Variants in TPH1 observed in about 807,000 individuals in gnomAD.
The protein encoded by TPH1 is tryptophan hydroxylase 1.
Under a neutral mutation model 49.5 loss-of-function variants are expected in TPH1, and 37 were observed. The observed-to-expected ratio is 0.75, with a 90% confidence interval of 0.58 to 0.98. The LOEUF is 0.98. TPH1 is among the 50% of genes least tolerant of loss of function. The pLI, the probability that TPH1 is intolerant of heterozygous loss-of-function variation, is 0.00. For synonymous variants in TPH1, 160 were observed against 182.1 expected (o/e 0.88, Z 0.98); for missense variants, 487 against 523.6 (o/e 0.93, Z 0.68).
At chr11:18,028,008 A>C (rs532620149) in intron 6 of TPH1, among the ~76,000 whole-genome samples, 13 of 152,386 alleles carry the variant, frequency 8.5e-5, no homozygotes, top group South Asian at 4.1e-4. Context: ...CGATGGAAAT[A>C]AACTAAACTC....
chr11:18,035,175 A>G (rs1171475461), intron 3 of TPH1, among the ~76,000 whole-genome samples: 1 of 152,200 alleles, frequency 6.6e-6, no homozygotes, highest in Non-Finnish European at 1.5e-5. Context: ...CATAGTTGTG[A>G]GCAACTGTCA....
intron 4 of TPH1, among the ~76,000 whole-genome samples, chr11:18,030,312 C>T (rs572457021): frequency 2.6e-5 from 4 of 151,992 alleles, no homozygotes; most frequent in Admixed American, 2.6e-4. Context: ...GTCCCAGCTC[C>T]TCAGGAAGGT....
At chr11:18,025,440 G>T in intron 8 of TPH1, 135 bp downstream of exon 8, 1 of 1,131,932 alleles carries the variant, frequency 8.8e-7, no homozygotes, top group Non-Finnish European at 1.3e-6. Context: ...GAGTGCAGTG[G>T]CACAATCTCG....
intron 3 of TPH1, among the ~76,000 whole-genome samples, chr11:18,035,432 C>CTTTT (rs112992467): frequency 7.6e-6 from 1 of 132,008 alleles, no homozygotes; most frequent in Non-Finnish European, 1.6e-5. Flanking sequence ...TCTTTCCTTT[C>CTTTT]TTTTTTTTTT....
rs1854338350 is a variant in TPH1, at chr11:18,019,940, C to T, written c.*1051G>A. On this transcript the variant is annotated 3_prime_UTR_variant, in exon 11 of 11. Transcript: ENST00000682019. ...CCTTTCTGACATTCTATTTCCTCCC[C>T]TTTTCTGCAGCCTCTACTCTCATTG... 1 of 353,980 alleles carries T rather than the reference C, an allele frequency of 2.8e-6. No homozygotes were observed. The highest frequency in any genetic ancestry group is 5.5e-6 in the Non-Finnish European group (1 of 180,516). 21.9% of individuals were successfully genotyped at this position (353,980 alleles called of 1,614,324 possible).
chr11:18,025,864 TC>T (rs1847924154), intron 7 of TPH1, among the ~76,000 whole-genome samples, 163 bp from the exon 8 acceptor site: 1 of 152,146 alleles, frequency 6.6e-6, no homozygotes, highest in African/African-American at 2.4e-5. Context: ...CAATTTTGGT[TC>T]AAAACCTTGG....
Position 18,038,825 on chromosome 11 carries a change from A to C in TPH1, c.117+1821T>G, listed in dbSNP as rs150331290. 3.4e-3 allele frequency among the ~76,000 whole-genome samples: 514 copies of C among 152,362 alleles called. 1 individual carries two copies. Among genetic ancestry groups the C allele is most frequent in the African/African-American group, 0.012 (493 of 41,594 alleles). On this transcript the variant is annotated intron_variant, in intron 2 of 10. Coordinates refer to ENST00000682019, the MANE Select transcript of TPH1 (RefSeq NM_004179.3). ...AAAAAGCTGATGGAAGAAGACATACAGGTATTTTATTTAAAGACCCAAAGG... is the reference window on the plus strand; with the variant it reads ...AAAAAGCTGATGGAAGAAGACATACCGGTATTTTATTTAAAGACCCAAAGG...
intron 1 of TPH1, among the ~76,000 whole-genome samples, chr11:18,044,910 G>A (rs966037450): frequency 3.9e-5 from 6 of 152,136 alleles, no homozygotes; most frequent in African/African-American, 1.4e-4. Flanking sequence ...CTTTTCTCAT[G>A]AAAGGTAGAG....
In TPH1 at chr11:18,033,280, G is replaced by C; in HGVS notation, c.396C>G (p.Asp132Glu). The C allele has an allele frequency of 6.2e-6, 10 of 1,612,326 alleles. No individual in the cohort carries two copies. The highest frequency in any genetic ancestry group is 8.5e-6 in the Non-Finnish European group (10 of 1,178,500). ...VLMYGSELDADHPGFKDNVYR... is the reference protein window; with the variant it reads ...VLMYGSELDAEHPGFKDNVYR... ...AAAAAAAGAAAATACTTACAGGATGGTCTGCATCTAGTTCAGATCCATACA... is the reference window on the plus strand; with the variant it reads ...AAAAAAAGAAAATACTTACAGGATGCTCTGCATCTAGTTCAGATCCATACA... The change falls in exon 4 of 11, where the codon GAC becomes GAG. Residue 132 changes from aspartate (D) to glutamate (E), a missense_variant. Coordinates refer to ENST00000682019, the MANE Select transcript of TPH1 (RefSeq NM_004179.3).
intron 4 of TPH1, 43 bp from the exon 5 acceptor site, chr11:18,029,622 T>TA: frequency 6.7e-7 from 1 of 1,486,204 alleles, no homozygotes; most frequent in Non-Finnish European, 9.4e-7. Context: ...TACTAAAAAA[T>TA]ACTTGACAAA....
rs1847919718 is a variant in TPH1 at position 18,025,592 on chromosome 11, C to G, written c.913G>C (p.Val305Leu). ...ATTTATACCGTTGCCAGTTTTTGAA[C>G]AGCCTCCTCTGAAGCGCCAAGAGAA... The part of the protein sequence containing the change: ...LASLGASEEA[V>L]QKLATCYFFT... The change falls in exon 8 of 11, where the codon GTT becomes CTT. Residue 305 changes from valine (V) to leucine (L), a missense_variant. By Grantham distance (32) the Val-to-Leu change is conservative (BLOSUM62 1). Coordinates refer to ENST00000682019, the MANE Select transcript of TPH1 (RefSeq NM_004179.3). 6.2e-7 allele frequency: 1 copy of G among 1,613,804 alleles called. No individual in the cohort carries two copies. Among genetic ancestry groups the G allele is most frequent in the African/African-American group, 1.3e-5 (1 of 74,910 alleles).
Position 18,036,050 on chromosome 11 carries a change from T to G in TPH1, c.210A>C (p.Arg70Ser), listed in dbSNP as rs1230922931. The change falls in exon 3 of 11, where the codon AGA becomes AGC. Residue 70 changes from arginine to serine, a missense_variant. Arg to Ser is a moderately radical substitution (Grantham distance 110, BLOSUM62 -1). Coordinates refer to ENST00000682019, the MANE Select transcript of TPH1 (RefSeq NM_004179.3). ...FEIFVDCDIN[R>S]EQLNDIFHLL... is the part of the protein sequence containing the mutation. ...GATGAAAAATATCATTCAATTGTTC[T>G]CTGTTGATGTCACAGTCAACAAAAA... 6.2e-7 allele frequency: 1 copy of G among 1,612,966 alleles called. No homozygotes were observed. Among genetic ancestry groups the G allele is most frequent in the African/African-American group, 1.3e-5 (1 of 75,030 alleles).
At chr11:18,044,513 TA>T (rs1848124808) in intron 1 of TPH1, among the ~76,000 whole-genome samples, 2 of 151,710 alleles carry the variant, frequency 1.3e-5, no homozygotes, top group South Asian at 4.1e-4. Flanking sequence ...ACTAGAAAAC[TA>T]GAAGAAAATT....
At chr11:18,043,336 G>A (rs1051105777) in intron 1 of TPH1, among the ~76,000 whole-genome samples, 3 of 152,170 alleles carry the variant, frequency 2.0e-5, no homozygotes, top group South Asian at 2.1e-4. Context: ...CAGCTGCTGC[G>A]GCTCATGCCT....
intron 1 of TPH1, among the ~76,000 whole-genome samples, chr11:18,042,660 A>G (rs1458305969): frequency 6.6e-6 from 1 of 152,228 alleles, no homozygotes. Flanking sequence ...AACTCTTAGA[A>G]CAGTTGCTAA....
chr11:18,037,863 A>G (rs970185632), intron 2 of TPH1, among the ~76,000 whole-genome samples: 1 of 152,248 alleles, frequency 6.6e-6, no homozygotes, highest in African/African-American at 2.4e-5. Flanking sequence ...CACACAGGTG[A>G]CAAGTGTCAG....
At chr11:18,027,239 G>A (rs1847939061) in intron 6 of TPH1, among the ~76,000 whole-genome samples, 1 of 152,168 alleles carries the variant, frequency 6.6e-6, no homozygotes, top group African/African-American at 2.4e-5. Context: ...ACCCCTGTAA[G>A]CCCTAATCTT....
chr11:18,029,596 T>C lies in TPH1; in HGVS notation c.403-17A>G, dbSNP rs2134028811. ...TTTGAAGCCCTGATAATTAAAGATA[T>C]GTTTTTAAATATCCATACTAAAAAA... is the stretch of plus-strand genomic sequence containing the variant. On this transcript the variant is annotated splice_polypyrimidine_tract_variant and intron_variant, in intron 4 of 10. Coordinates refer to ENST00000682019, the MANE Select transcript of TPH1 (RefSeq NM_004179.3). 6 of 1,596,576 alleles carry C rather than the reference T, an allele frequency of 3.8e-6. No homozygotes were observed. Among genetic ancestry groups the C allele is most frequent in the South Asian group, 2.2e-5 (2 of 90,108 alleles).
intron 4 of TPH1, among the ~76,000 whole-genome samples, chr11:18,030,145 A>T (rs943379006): frequency 2.6e-5 from 4 of 152,216 alleles, no homozygotes; most frequent in African/African-American, 9.6e-5. Context: ...ATGGTGGCTC[A>T]GGCCTGTAAT....
Sources: allele counts gnomAD v4.1 joint callset (sites outside exome capture counted in the v4.1 genomes callset), GRCh38; gene constraint gnomAD v4.1.1; transcripts MANE v1.5; gene names NCBI Gene and HGNC (gene_info 2026-07-23, HGNC 2026-07-21).